Variants in KLHL29 observed in about 807,000 individuals in gnomAD.
The protein encoded by KLHL29 is kelch-like protein 29.
KLHL29 carries 21 observed loss-of-function variants against 80.4 expected under a neutral mutation model. That is an observed-to-expected ratio of 0.26 (90% CI 0.19 to 0.38). KLHL29 has a LOEUF of 0.38. KLHL29 is among the 10% of genes least tolerant of loss of function. The pLI is 1.00. For missense variants in KLHL29, 867 were observed against 1,223.9 expected, an observed-to-expected ratio of 0.71 and a Z score of 4.35; for synonymous variants, 511 against 526.8, an observed-to-expected ratio of 0.97 and a Z score of 0.41.
At chr2:23,537,685 T>C (rs555530769) in intron 2 of KLHL29, among the ~76,000 whole-genome samples, 3 of 152,290 alleles carry the variant, frequency 2.0e-5, no homozygotes, top group South Asian at 2.1e-4. Context: ...GGTTCATCGC[T>C]CTTTGCTGAG....
intron 3 of KLHL29, among the ~76,000 whole-genome samples, chr2:23,577,138 T>C (rs956810840): frequency 2.6e-5 from 4 of 152,172 alleles, no homozygotes; most frequent in African/African-American, 9.7e-5. Flanking sequence ...AGACCTGGTG[T>C]CTCCACGTGG....
intron 1 of KLHL29, among the ~76,000 whole-genome samples, chr2:23,389,182 G>A (rs1666258679): frequency 6.6e-6 from 1 of 152,002 alleles, no homozygotes; most frequent in African/African-American, 2.4e-5. Flanking sequence ...TATATATTTA[G>A]TCACAGCATA....
chr2:23,516,478 T>C (rs1374450948), intron 2 of KLHL29, among the ~76,000 whole-genome samples: 3 of 151,956 alleles, frequency 2.0e-5, no homozygotes, highest in Non-Finnish European at 4.4e-5. Flanking sequence ...TCCTTTCTCT[T>C]CCTCTTCCCC....
intron 2 of KLHL29, among the ~76,000 whole-genome samples, chr2:23,479,261 A>T (rs570501813): frequency 6.6e-6 from 1 of 151,412 alleles, no homozygotes; most frequent in South Asian, 2.1e-4. Flanking sequence ...TGGGGCCCAG[A>T]TCCCTCAACA....
chr2:23,560,649 T>A (rs1376588368), intron 2 of KLHL29, among the ~76,000 whole-genome samples: 1 of 152,228 alleles, frequency 6.6e-6, no homozygotes, highest in Non-Finnish European at 1.5e-5. Context: ...TGACACCACA[T>A]CCAGCTGAAG....
intron 2 of KLHL29, among the ~76,000 whole-genome samples, chr2:23,509,029 G>T (rs913564231): frequency 6.6e-6 from 1 of 152,194 alleles, no homozygotes; most frequent in Non-Finnish European, 1.5e-5. Context: ...CCTCCGTCAT[G>T]AGAATCAAAT....
chr2:23,485,065 C>G (rs1313051949), intron 2 of KLHL29, among the ~76,000 whole-genome samples: 2 of 152,202 alleles, frequency 1.3e-5, no homozygotes, highest in Non-Finnish European at 2.9e-5. Flanking sequence ...GGTCCTGTCA[C>G]TGTCCAGTAT....
intron 1 of KLHL29, among the ~76,000 whole-genome samples, chr2:23,471,177 T>C (rs535441369): frequency 2.6e-5 from 4 of 152,208 alleles, no homozygotes; most frequent in African/African-American, 7.2e-5. Flanking sequence ...CCCAGTTTGC[T>C]GAGGGGTGCT....
intron 3 of KLHL29, among the ~76,000 whole-genome samples, chr2:23,594,944 A>T (rs1668359985): frequency 6.6e-6 from 1 of 152,230 alleles, no homozygotes; most frequent in Non-Finnish European, 1.5e-5. Flanking sequence ...ACAAAGCAGG[A>T]TAGCTGCTAG....
chr2:23,703,906 T>G (rs1458660686), intron 13 of KLHL29, 43 bp downstream of exon 13: 1 of 1,514,214 alleles, frequency 6.6e-7, no homozygotes. Flanking sequence ...GACGGAGGAG[T>G]GGGAGGAGGA....
At chr2:23,538,891 G>T (rs141727380) in intron 2 of KLHL29, among the ~76,000 whole-genome samples, 1 of 152,176 alleles carries the variant, frequency 6.6e-6, no homozygotes. Flanking sequence ...ACAAAATCTC[G>T]TTCTTTCTTC....
At chr2:23,550,526 C>T (rs535207523) in intron 2 of KLHL29, among the ~76,000 whole-genome samples, 18 of 152,316 alleles carry the variant, frequency 1.2e-4, no homozygotes, top group Middle Eastern at 3.4e-3. Flanking sequence ...CGGAGCAATT[C>T]CGCAGCCGTC....
rs902000588 is a variant in KLHL29 at position 23,681,457 on chromosome 2, G to A, written c.941-2942G>A. On this transcript the variant is annotated intron_variant, in intron 5 of 13. Coordinates refer to ENST00000486442, the MANE Select transcript of KLHL29 (RefSeq NM_052920.2). This position sits in a 1 kb window ranked among gnomAD's most constrained non-coding sequence, Gnocchi z 4.2. ...TAGATAGAATCATTGCCGGGACCTC[G>A]ATTTGAAAGGAAGGTCTTCAGAAAC... Among the ~76,000 whole-genome samples the A allele has an allele frequency of 6.6e-6, 1 of 152,148 alleles. No individual in the cohort carries two copies. The highest frequency in any genetic ancestry group is 2.4e-5 in the African/African-American group (1 of 41,434).
intron 2 of KLHL29, among the ~76,000 whole-genome samples, chr2:23,495,240 T>C (rs1012643788): frequency 1.3e-5 from 2 of 151,810 alleles, no homozygotes; most frequent in Non-Finnish European, 2.9e-5. Flanking sequence ...CTGCAGGAGG[T>C]GGTCCCTGTA....
At chr2:23,523,889 T>C (rs1405409481) in intron 2 of KLHL29, 1 of 437,230 alleles carries the variant, frequency 2.3e-6, no homozygotes, top group East Asian at 7.2e-5. Flanking sequence ...TGCTTGGACT[T>C]GGCACGCTTC....
chr2:23,460,951 G>A (rs1165230013), intron 1 of KLHL29, among the ~76,000 whole-genome samples: 2 of 152,224 alleles, frequency 1.3e-5, no homozygotes, highest in Admixed American at 6.5e-5. Context: ...AGTAGCTGTG[G>A]CCATAGATAT....
intron 1 of KLHL29, among the ~76,000 whole-genome samples, chr2:23,426,378 A>G (rs1663004729): frequency 6.6e-6 from 1 of 152,174 alleles, no homozygotes; most frequent in South Asian, 2.1e-4. Context: ...CTGCCAAGTG[A>G]CTTCCCGGCG....
At chr2:23,508,540 C>T (rs2103460170) in intron 2 of KLHL29, among the ~76,000 whole-genome samples, 1 of 152,362 alleles carries the variant, frequency 6.6e-6, no homozygotes, top group East Asian at 1.9e-4. Context: ...ACAAGTGAAT[C>T]ACAAGTCCAC....
At chr2:23,464,854 CCATT>C (rs1664304272) in intron 1 of KLHL29, among the ~76,000 whole-genome samples, 1 of 152,082 alleles carries the variant, frequency 6.6e-6, no homozygotes, top group South Asian at 2.1e-4. Flanking sequence ...TATTATTACT[CCATT>C]CAAGTGAGAC....
Sources: gnomAD v4.1 joint callset for allele counts (sites outside exome capture counted in the v4.1 genomes callset) on GRCh38, gnomAD v4.1.1 for gene constraint, Gnocchi (gnomAD v3.1) non-coding constraint, MANE v1.5 for transcripts, NCBI Gene and HGNC (gene_info 2026-07-23, HGNC 2026-07-21) for gene names.